Variants in SGCZ observed in about 807,000 individuals in gnomAD.
SGCZ encodes the protein zeta-sarcoglycan.
Under a neutral mutation model 41.3 loss-of-function variants are expected in SGCZ, and 40 were observed. The ratio of observed to expected loss-of-function variants is 0.97; its 90% CI spans 0.75 to 1.26. The LOEUF is 1.26. SGCZ is among the 50% of genes most tolerant of loss of function. The probability of loss-of-function intolerance (pLI) is 0.00; values close to 1 mark genes in which losing one functional copy is unlikely to be tolerated. For missense variants in SGCZ, 552 were observed against 369.8 expected (o/e 1.49, Z -4.04); for synonymous variants, 206 against 137.5 (o/e 1.50, Z -3.49).
chr8:14,751,415 A>G (rs1192423324), intron 1 of SGCZ, among the ~76,000 whole-genome samples: 2 of 152,172 alleles, frequency 1.3e-5, no homozygotes, highest in Non-Finnish European at 2.9e-5. Flanking sequence ...CATCTTATCT[A>G]CCTTCTGATC....
intron 1 of SGCZ, among the ~76,000 whole-genome samples, chr8:14,863,382 T>A (rs1187016069): frequency 1.3e-5 from 2 of 152,114 alleles, no homozygotes; most frequent in Non-Finnish European, 2.9e-5. Context: ...TGGAGTGTAG[T>A]GACACTATCA....
intron 3 of SGCZ, among the ~76,000 whole-genome samples, chr8:14,249,267 T>C (rs185519129): frequency 1.3e-5 from 2 of 152,124 alleles, no homozygotes; most frequent in Admixed American, 1.3e-4. Context: ...AGATCAGGAG[T>C]GGAACTTACA....
chr8:15,097,839 T>TGTATATATATATATACAC (rs1806420167), intron 1 of SGCZ, among the ~76,000 whole-genome samples: 6 of 9,936 alleles, frequency 6.0e-4, no homozygotes, highest in African/African-American at 9.1e-4. Flanking sequence ...TATATACGTG[T>TGTATATATATATATACAC]GTGTATATAT....
chr8:15,106,494 G>T (rs1225611007), intron 1 of SGCZ, among the ~76,000 whole-genome samples: 1 of 151,972 alleles, frequency 6.6e-6, no homozygotes, highest in Non-Finnish European at 1.5e-5. Flanking sequence ...TTTATGCCTA[G>T]ACAGTCTAAA....
intron 2 of SGCZ, among the ~76,000 whole-genome samples, chr8:14,531,395 T>C (rs186783718): frequency 5.3e-5 from 8 of 151,966 alleles, no homozygotes; most frequent in Non-Finnish European, 2.9e-5. Flanking sequence ...GACTAGAAAT[T>C]GAAACTCACT....
At chr8:14,974,948 T>A (rs986776428) in intron 1 of SGCZ, among the ~76,000 whole-genome samples, 4 of 151,560 alleles carry the variant, frequency 2.6e-5, no homozygotes, top group African/African-American at 9.7e-5. Flanking sequence ...TTCCCAGTAA[T>A]CTGTTGGGAA....
chr8:14,822,964 G>T (rs565158535), intron 1 of SGCZ, among the ~76,000 whole-genome samples: 1 of 148,772 alleles, frequency 6.7e-6, no homozygotes, highest in Admixed American at 6.8e-5. Flanking sequence ...TGAGGCAGGA[G>T]AATTGCTGGA....
intron 1 of SGCZ, among the ~76,000 whole-genome samples, chr8:15,079,335 G>C (rs1278095838): frequency 6.6e-6 from 1 of 152,134 alleles, no homozygotes; most frequent in African/African-American, 2.4e-5. Flanking sequence ...CTTTATATCT[G>C]ACAGTCATTT....
At chr8:14,190,286 A>C (rs1360375178) in intron 4 of SGCZ, among the ~76,000 whole-genome samples, 1 of 152,004 alleles carries the variant, frequency 6.6e-6, no homozygotes, top group African/African-American at 2.4e-5. Context: ...TGCCAGGATT[A>C]CAGGCGTGAG....
intron 1 of SGCZ, among the ~76,000 whole-genome samples, chr8:14,875,981 C>G (rs76905635): frequency 9.9e-5 from 15 of 152,100 alleles, no homozygotes; most frequent in African/African-American, 3.6e-4. Context: ...CAGCCAAACA[C>G]CAAACACAAA....
intron 1 of SGCZ, among the ~76,000 whole-genome samples, chr8:15,032,137 C>G (rs1803695323): frequency 6.6e-6 from 1 of 152,088 alleles, no homozygotes; most frequent in South Asian, 2.1e-4. Context: ...TTGGTATTGT[C>G]TTCAGACATC....
At chr8:14,412,102 A>G (rs1799376515) in intron 2 of SGCZ, among the ~76,000 whole-genome samples, 1 of 152,140 alleles carries the variant, frequency 6.6e-6, no homozygotes, top group South Asian at 2.1e-4. Context: ...TTTGCAGAAA[A>G]GAACAGTATG....
chr8:14,577,037 CA>C (rs1804732386), intron 1 of SGCZ, among the ~76,000 whole-genome samples: 1 of 152,194 alleles, frequency 6.6e-6, no homozygotes, highest in Admixed American at 6.5e-5. Flanking sequence ...CTAAACTGTA[CA>C]TTTCTTGACT....
rs1261129283 is a variant in SGCZ, at chr8:14,088,649, C to T, written c.*1794G>A. Among the ~76,000 whole-genome samples, 1 of 151,702 alleles carries T rather than the reference C, an allele frequency of 6.6e-6. No homozygotes were observed. The highest frequency in any genetic ancestry group is 2.4e-5 in the African/African-American group (1 of 41,334). The stretch of plus-strand genomic sequence containing the variant: ...ATTGATTTAAAAAGTTATATAATAA[C>T]ACCCAAATATAATCACATTTTATTT... On this transcript the variant is annotated 3_prime_UTR_variant, in exon 8 of 8. Transcript: ENST00000382080.
At chr8:14,095,903 TTGTC>T (rs1801830325) in intron 7 of SGCZ, among the ~76,000 whole-genome samples, 1 of 152,150 alleles carries the variant, frequency 6.6e-6, no homozygotes, top group Non-Finnish European at 1.5e-5. Flanking sequence ...GACTCCCTGT[TTGTC>T]TGTTATTGGT....
At chr8:14,699,889 C>A (rs894081458) in intron 1 of SGCZ, among the ~76,000 whole-genome samples, 1 of 151,910 alleles carries the variant, frequency 6.6e-6, no homozygotes, top group African/African-American at 2.4e-5. Flanking sequence ...AAATGCAAAT[C>A]AAAACTACAG....
At position 14,743,257 on chromosome 8, in the gene SGCZ, CT is replaced by C. The variant is rs559778830; in HGVS notation, c.40-188332del. On this transcript the variant is annotated intron_variant, in intron 1 of 7. Coordinates refer to ENST00000382080, the MANE Select transcript of SGCZ (RefSeq NM_139167.4). ...TGATATTCTTATTAATATATTTTAC[CT>C]TTATTACTGAACATGAAAACTATGT... 2.6e-5 allele frequency among the ~76,000 whole-genome samples: 4 copies of C among 151,736 alleles called. No homozygotes were observed. In the East Asian group the frequency reaches 7.8e-4, roughly 29 times the overall value.
chr8:14,501,534 A>G (rs773262988), intron 2 of SGCZ, among the ~76,000 whole-genome samples: 8 of 152,070 alleles, frequency 5.3e-5, no homozygotes, highest in Non-Finnish European at 1.2e-4. Context: ...TAATCATACA[A>G]GAGATCTATA....
chr8:14,864,375 T>C (rs1019516513), intron 1 of SGCZ, among the ~76,000 whole-genome samples: 4 of 152,174 alleles, frequency 2.6e-5, no homozygotes, highest in African/African-American at 9.6e-5. Context: ...TTAATTTTCT[T>C]TTCCATAACC....
Sources: allele counts gnomAD v4.1 joint callset (sites outside exome capture counted in the v4.1 genomes callset), GRCh38; gene constraint gnomAD v4.1.1; transcripts MANE v1.5; gene names NCBI Gene and HGNC (gene_info 2026-07-23, HGNC 2026-07-21).